NARS2: variants seen among roughly 807,000 people sequenced by gnomAD.
The protein encoded by NARS2 is asparaginyl-tRNA synthetase 2, mitochondrial.
In NARS2, 60 loss-of-function variants were observed where a neutral mutation model predicts 62.9. That is an observed-to-expected ratio of 0.95 (90% CI 0.77 to 1.18). The LOEUF (loss-of-function observed/expected upper bound fraction) is 1.18. Ranked by LOEUF, NARS2 falls within the 50% of genes most tolerant of loss-of-function variation. The pLI, the probability that NARS2 is intolerant of heterozygous loss-of-function variation, is 0.00. For synonymous variants in NARS2, 196 were observed against 200.0 expected, an observed-to-expected ratio of 0.98 and a Z score of 0.17; for missense variants, 619 against 576.4, an observed-to-expected ratio of 1.07 and a Z score of -0.76.
intron 7 of NARS2, among the ~76,000 whole-genome samples, chr11:78,480,514 T>TA (rs1367238488): frequency 6.6e-6 from 1 of 151,638 alleles, no homozygotes; most frequent in Non-Finnish European, 1.5e-5. Context: ...CTTGGCCTCT[T>TA]AAAGTGTGGG....
At chr11:78,460,746 G>C (rs751254639) in intron 11 of NARS2, among the ~76,000 whole-genome samples, 4 of 152,176 alleles carry the variant, frequency 2.6e-5, no homozygotes, top group South Asian at 4.1e-4. Context: ...TGTTGTGTTT[G>C]AGATGCCTTT....
chr11:78,506,246 G>A (rs1421015808), intron 6 of NARS2, among the ~76,000 whole-genome samples: 1 of 152,118 alleles, frequency 6.6e-6, no homozygotes, highest in Non-Finnish European at 1.5e-5. Context: ...CACTGCTAGC[G>A]GGCATGTAAA....
chr11:78,496,249 G>T (rs72935740), intron 6 of NARS2, among the ~76,000 whole-genome samples: 7,346 of 152,160 alleles, frequency 0.048, 243 homozygotes, highest in Non-Finnish European at 0.076. Context: ...AGTATCCAAA[G>T]ATACTGTTCA....
At chr11:78,558,695 C>G (rs1019856768) in intron 5 of NARS2, 10 of 152,134 alleles carry the variant, frequency 6.6e-5, no homozygotes, top group African/African-American at 2.4e-4. Flanking sequence ...TAAGGGCAGG[C>G]TGACAATGCC....
At chr11:78,522,082 A>C (rs1861149573) in intron 6 of NARS2, among the ~76,000 whole-genome samples, 1 of 150,464 alleles carries the variant, frequency 6.6e-6, no homozygotes, top group South Asian at 2.1e-4. Flanking sequence ...CATCGCAAGT[A>C]GTTTGGAATA....
At chr11:78,537,193 T>C (rs1855388773) in intron 5 of NARS2, among the ~76,000 whole-genome samples, 1 of 152,120 alleles carries the variant, frequency 6.6e-6, no homozygotes, top group Non-Finnish European at 1.5e-5. Flanking sequence ...TGACCATATA[T>C]GGATGGAGAG....
chr11:78,440,316 G>C (rs1031670047), intron 13 of NARS2, among the ~76,000 whole-genome samples: 7 of 152,012 alleles, frequency 4.6e-5, no homozygotes, highest in African/African-American at 1.4e-4. Flanking sequence ...CACCCACCCA[G>C]GCCTCCCAAA....
At chr11:78,491,315 C>T (rs73504978) in intron 7 of NARS2, among the ~76,000 whole-genome samples, 2,841 of 152,302 alleles carry the variant, frequency 0.019, 84 homozygotes, top group African/African-American at 0.065. Flanking sequence ...CAAAAATGTC[C>T]CATGGGGACT....
intron 5 of NARS2, among the ~76,000 whole-genome samples, chr11:78,549,641 T>C (rs954113555): frequency 1.3e-5 from 2 of 152,182 alleles, no homozygotes; most frequent in African/African-American, 4.8e-5. Context: ...GGAGTATAAA[T>C]TTGATTGGAT....
chr11:78,574,722 C>T lies in NARS2; in HGVS notation c.-234G>A, dbSNP rs1003033418. On this transcript the variant is annotated 5_prime_UTR_variant, in exon 1 of 14. Coordinates refer to ENST00000281038, the MANE Select transcript of NARS2 (RefSeq NM_024678.6). ...CGGAATGGACAGGACACTAGGCAAACGCCAGAAAGAAACCACGTGCAGTTG... is the reference window on the plus strand; with the variant it reads ...CGGAATGGACAGGACACTAGGCAAATGCCAGAAAGAAACCACGTGCAGTTG... The T allele has an allele frequency of 6.1e-6, 3 of 494,364 alleles. No homozygotes were observed. In the Admixed American group the frequency reaches 1.1e-4, roughly 19 times the overall value. 30.6% of individuals were successfully genotyped at this position (494,364 alleles called of 1,614,324 possible).
intron 5 of NARS2, among the ~76,000 whole-genome samples, chr11:78,543,700 G>C (rs2135468431): frequency 6.6e-6 from 1 of 152,140 alleles, no homozygotes; most frequent in Middle Eastern, 3.4e-3. Flanking sequence ...CATGTACCCT[G>C]GTACCAAGAT....
chr11:78,504,440 T>TG (rs1565243069), intron 6 of NARS2, among the ~76,000 whole-genome samples: 3 of 150,820 alleles, frequency 2.0e-5, no homozygotes, highest in African/African-American at 7.4e-5. Context: ...ACCAGTTTTT[T>TG]TTTTTTTTTT....
At chr11:78,443,181 CCGGGCGTGGTGG>C (rs1857629721) in intron 12 of NARS2, among the ~76,000 whole-genome samples, 1 of 151,956 alleles carries the variant, frequency 6.6e-6, no homozygotes, top group Non-Finnish European at 1.5e-5. Flanking sequence ...AAAAAATTAG[CCGGGCGTGGTGG>C]CGGGCGCCTG....
chr11:78,461,027 G>A (rs1858372693), intron 11 of NARS2, among the ~76,000 whole-genome samples: 1 of 152,138 alleles, frequency 6.6e-6, no homozygotes, highest in African/African-American at 2.4e-5. Context: ...GATGTGCATA[G>A]GTGATACGCA....
At chr11:78,475,129 G>C (rs1443234028) in intron 9 of NARS2, among the ~76,000 whole-genome samples, 1 of 148,750 alleles carries the variant, frequency 6.7e-6, no homozygotes, top group African/African-American at 2.5e-5. Context: ...TACTTCTGTA[G>C]TGTTAACTTT....
intron 5 of NARS2, among the ~76,000 whole-genome samples, chr11:78,538,623 G>A (rs548571426): frequency 6.6e-6 from 1 of 152,136 alleles, no homozygotes; most frequent in Non-Finnish European, 1.5e-5. Context: ...AGATCAGTAC[G>A]TGGGAAGGGG....
At chr11:78,574,312 T>C (rs776111251) in intron 1 of NARS2, 36 bp downstream of exon 1, 5 of 1,613,900 alleles carry the variant, frequency 3.1e-6, no homozygotes, top group Non-Finnish European at 4.2e-6. Flanking sequence ...TAAAAGTCCC[T>C]ACAAGAAAAA....
intron 6 of NARS2, among the ~76,000 whole-genome samples, chr11:78,493,697 A>T (rs900239940): frequency 6.6e-6 from 1 of 151,880 alleles, no homozygotes; most frequent in African/African-American, 2.4e-5. Flanking sequence ...GAAAAAAAAA[A>T]GTTACATTTA....
At chr11:78,476,317 C>T (rs913450687) in intron 9 of NARS2, among the ~76,000 whole-genome samples, 2 of 152,192 alleles carry the variant, frequency 1.3e-5, no homozygotes, top group Non-Finnish European at 1.5e-5. Context: ...GGCCTTACCC[C>T]CAGGGTTCCC....
Sources: gnomAD v4.1 joint callset for allele counts (sites outside exome capture counted in the v4.1 genomes callset) on GRCh38, gnomAD v4.1.1 for gene constraint, MANE v1.5 for transcripts, NCBI Gene and HGNC (gene_info 2026-07-23, HGNC 2026-07-21) for gene names.